ERICH1: variants seen among roughly 807,000 people sequenced by gnomAD.
ERICH1 encodes the protein glutamate rich 1, also known as glutamate-rich protein 1.
In ERICH1, 56 loss-of-function variants were observed where a neutral mutation model predicts 39.6. That is an observed-to-expected ratio of 1.41 (90% CI 1.14 to 1.77). The LOEUF (loss-of-function observed/expected upper bound fraction) is 1.77. Ranked by LOEUF, ERICH1 falls within the 40% of genes most tolerant of loss-of-function variation. The probability of loss-of-function intolerance (pLI) is 0.00; values close to 1 mark genes in which losing one functional copy is unlikely to be tolerated. For missense variants in ERICH1, 826 were observed against 575.4 expected (o/e 1.44, Z -4.45); for synonymous variants, 313 against 223.6 (o/e 1.40, Z -3.57).
Position 677,198 on chromosome 8 carries a change from G to A in ERICH1, c.305-3151C>T, listed in dbSNP as rs545791623. ...CATGACTCGATAAAGCAGTCGCATC[G>A]GTTTCTCTCACCCTGAAAATACAGG... On this transcript the variant is annotated intron_variant, in intron 3 of 5. Transcript: ENST00000262109. 6.6e-5 allele frequency among the ~76,000 whole-genome samples: 10 copies of A among 152,288 alleles called. No individual in the cohort carries two copies. The East Asian group carries it at 1.5e-3, about 24-fold the overall frequency.
intron 2 of ERICH1, 46 bp from the exon 3 acceptor site, chr8:692,658 A>C: frequency 6.6e-7 from 1 of 1,524,254 alleles, no homozygotes; most frequent in South Asian, 1.2e-5. Context: ...ATATCACAAA[A>C]TGCAGTCATT....
chr8:691,943 TTTTCCATGCTCA>T (rs1278141191), intron 3 of ERICH1, among the ~76,000 whole-genome samples: 5 of 152,364 alleles, frequency 3.3e-5, no homozygotes, highest in African/African-American at 9.6e-5. Flanking sequence ...CAACTTCAGC[TTTTCCATGCTCA>T]ACAGTCAACC....
intron 3 of ERICH1, chr8:616,614 T>TC: frequency 2.3e-6 from 1 of 427,798 alleles, no homozygotes; most frequent in South Asian, 1.6e-5. Context: ...TAAGAGTGAG[T>TC]GGGGAGAGGG....
chr8:660,481 G>A (rs1429936948), downstream of ERICH1, among the ~76,000 whole-genome samples: 2 of 152,270 alleles, frequency 1.3e-5, no homozygotes, highest in South Asian at 2.1e-4. Flanking sequence ...GCAAGGACAC[G>A]GAGCCTCTGT....
intron 2 of ERICH1, among the ~76,000 whole-genome samples, chr8:715,081 T>C (rs1282437484): frequency 4.0e-5 from 6 of 151,894 alleles, no homozygotes; most frequent in Non-Finnish European, 8.8e-5. Context: ...AGGTGGTCTA[T>C]TCCCGTGTCT....
intron 3 of ERICH1, among the ~76,000 whole-genome samples, chr8:684,880 T>G (rs1167891674): frequency 6.6e-6 from 1 of 152,212 alleles, no homozygotes; most frequent in Non-Finnish European, 1.5e-5. Context: ...AGAGATCACA[T>G]GCTTCACGGG....
At chr8:678,274 G>A (rs1313543732) in intron 3 of ERICH1, among the ~76,000 whole-genome samples, 1 of 152,172 alleles carries the variant, frequency 6.6e-6, no homozygotes, top group Non-Finnish European at 1.5e-5. Flanking sequence ...TAGTTTAAGA[G>A]AGGAGGCTTG....
chr8:633,008 C>T (rs918762661), intron 3 of ERICH1, among the ~76,000 whole-genome samples: 2 of 152,204 alleles, frequency 1.3e-5, no homozygotes, highest in Admixed American at 1.3e-4. Flanking sequence ...GGAGGCAGAT[C>T]GGCCAGAGCT....
chr8:668,139 CA>C, intron 5 of ERICH1: 3 of 240,982 alleles, frequency 1.2e-5, no homozygotes, highest in East Asian at 1.1e-4. Context: ...GACATGAGCA[CA>C]GCTGCTCCAG....
Position 692,509 on chromosome 8 carries a change from G to T in ERICH1, c.273C>A (p.Pro91=), listed in dbSNP as rs762754116. The change falls in exon 3 of 6, where the codon CCC becomes CCA. Residue 91 remains proline, a synonymous_variant. Coordinates refer to ENST00000262109, the MANE Select transcript of ERICH1 (RefSeq NM_207332.3). ...TGTCATCCCCGCTGGAGGCGTTCTC[G>T]GGGCTCCCACAGCTGCTGGGCTCCG... The part of the protein sequence containing the change: ...CWPEPSSCGS[P]ENASSGDDTE... 1 of 1,613,908 alleles carries T rather than the reference G, an allele frequency of 6.2e-7. No homozygotes were observed. The highest frequency in any genetic ancestry group is 1.3e-5 in the African/African-American group (1 of 74,994).
At chr8:726,191 A>G (rs12549425) in intron 1 of ERICH1, among the ~76,000 whole-genome samples, 28,821 of 152,210 alleles carry the variant, frequency 0.19, 2,934 homozygotes, top group Middle Eastern at 0.3. Flanking sequence ...AATCTGAGCC[A>G]GCATCTTCAG....
intron 3 of ERICH1, among the ~76,000 whole-genome samples, chr8:650,975 G>A (rs937171338): frequency 5.9e-5 from 9 of 152,188 alleles, no homozygotes; most frequent in African/African-American, 9.7e-5. Flanking sequence ...CAGCAGATAC[G>A]AATCACCGAA....
rs530570982 is a variant in ERICH1 at position 726,560 on chromosome 8, C to T, written c.22+4580G>A. Among the ~76,000 whole-genome samples the T allele has an allele frequency of 2.6e-5, 4 of 151,148 alleles. No individual in the cohort carries two copies. The East Asian group carries it at 7.9e-4, about 30-fold the overall frequency. ...CACACACCACACACAGACACGTGTA[C>T]ACAGGCACAAGACACACAGGCGCAC... On this transcript the variant is annotated intron_variant, in intron 1 of 5. Coordinates refer to ENST00000262109, the MANE Select transcript of ERICH1 (RefSeq NM_207332.3).
At chr8:642,373 C>G (rs1280893186) in intron 3 of ERICH1, among the ~76,000 whole-genome samples, 2 of 120,334 alleles carry the variant, frequency 1.7e-5, no homozygotes, top group Admixed American at 2.1e-4. Context: ...GAGACAGAGT[C>G]TCGCTCTGTC....
At position 706,932 on chromosome 8, in the gene ERICH1, A is replaced by T. The variant is rs1239651178; in HGVS notation, c.169+8929T>A. On this transcript the variant is annotated intron_variant, in intron 2 of 5. Transcript: ENST00000262109. ...AGACAATACTGCCCAGTGTTCTACA[A>T]ACTCATGCAATACCCATCAAAATTT... Among the ~76,000 whole-genome samples the T allele has an allele frequency of 2.0e-5, 3 of 152,226 alleles. No individual in the cohort carries two copies. In the East Asian group the frequency reaches 5.8e-4, roughly 29 times the overall value.
At chr8:688,892 T>TA (rs1305097042) in intron 3 of ERICH1, among the ~76,000 whole-genome samples, 56 of 152,346 alleles carry the variant, frequency 3.7e-4, no homozygotes, top group African/African-American at 1.3e-3. Flanking sequence ...CTAAAGGGAA[T>TA]ACCTTTCACC....
chr8:620,475 G>C (rs1163839741), intron 3 of ERICH1, among the ~76,000 whole-genome samples: 3 of 152,178 alleles, frequency 2.0e-5, no homozygotes, highest in Non-Finnish European at 4.4e-5. Context: ...TGCTTATCAA[G>C]TGTGTGTCTC....
chr8:673,490 C>T lies in ERICH1; in HGVS notation c.862G>A (p.Glu288Lys), dbSNP rs1188859731. The change falls in exon 4 of 6, where the codon GAA becomes AAA. Residue 288 changes from glutamate (E) to lysine (K), a missense_variant. Glu to Lys is a moderately conservative substitution (Grantham distance 56). Transcript: ENST00000262109. The stretch of plus-strand genomic sequence containing the variant: ...TCCTCCCTGGTGTCTTTACCGTCTT[C>T]CTCCCCGGCCCGTGTCAGGTCTTCC... ...IEEDLTRAGE[E>K]DGKDTREEDG... is the part of the protein sequence containing the mutation. 2 of 1,613,238 alleles carry T rather than the reference C, an allele frequency of 1.2e-6. No homozygotes were observed. Among genetic ancestry groups the T allele is most frequent in the South Asian group, 2.2e-5 (2 of 91,006 alleles).
At chr8:692,367 T>C in intron 3 of ERICH1, 111 bp downstream of exon 3, 1 of 1,481,446 alleles carries the variant, frequency 6.8e-7, no homozygotes, top group Non-Finnish European at 9.2e-7. Flanking sequence ...AACAACATGC[T>C]CACCCACCCC....
Sources: gnomAD v4.1 joint callset for allele counts (sites outside exome capture counted in the v4.1 genomes callset) on GRCh38, gnomAD v4.1.1 for gene constraint, MANE v1.5 for transcripts, NCBI Gene and HGNC (gene_info 2026-07-23, HGNC 2026-07-21) for gene names.